Variants in LUC7L2 observed in about 807,000 individuals in gnomAD.
LUC7L2 encodes LUC7 like 2, pre-mRNA splicing factor, also known as putative RNA-binding protein Luc7-like 2.
LUC7L2 carries 25 observed loss-of-function variants against 52.8 expected under a neutral mutation model. The ratio of observed to expected loss-of-function variants is 0.47; its 90% CI spans 0.34 to 0.66. The LOEUF is 0.66. Among genes scored for constraint, LUC7L2 ranks in the 30% least tolerant of loss-of-function variants. The pLI, the probability that LUC7L2 is intolerant of heterozygous loss-of-function variation, is 0.01. For synonymous variants in LUC7L2, 144 were observed against 160.9 expected (o/e 0.89, Z 0.80); for missense variants, 328 against 497.8 (o/e 0.66, Z 3.25).
At chr7:139,371,125 C>G (rs1014405917) in intron 1 of LUC7L2, among the ~76,000 whole-genome samples, 1 of 152,100 alleles carries the variant, frequency 6.6e-6, no homozygotes, top group African/African-American at 2.4e-5. Context: ...GGAGGGCTTC[C>G]CTTCCCCTGC....
At position 139,422,818 on chromosome 7, in the gene LUC7L2, G is replaced by A. The variant is rs180785796; in HGVS notation, c.*478G>A. 11 of 399,190 alleles carry A rather than the reference G, an allele frequency of 2.8e-5. No individual in the cohort carries two copies. The highest frequency in any genetic ancestry group is 2.5e-4 in the East Asian group (7 of 28,058). 24.7% of individuals were successfully genotyped at this position (399,190 alleles called of 1,614,324 possible). ...GCTTCCATTCTAAGGCTGTATTCCC[G>A]TTATGAATTACTAGCTGATTACAGT... is the stretch of plus-strand genomic sequence containing the variant. On this transcript the variant is annotated 3_prime_UTR_variant, in exon 10 of 10. Coordinates refer to ENST00000354926, the MANE Select transcript of LUC7L2 (RefSeq NM_016019.5).
chr7:139,383,049 C>A (rs1452500692), intron 2 of LUC7L2, among the ~76,000 whole-genome samples: 1 of 152,168 alleles, frequency 6.6e-6, no homozygotes, highest in Non-Finnish European at 1.5e-5. Context: ...CCTCACCCTT[C>A]CAAGTAGGTG....
intron 1 of LUC7L2, chr7:139,341,356 G>A (rs757375443): frequency 1.4e-5 from 23 of 1,594,832 alleles, no homozygotes; most frequent in Non-Finnish European, 2.0e-5. Context: ...GGACGCCGTT[G>A]GGCACCACGC....
intron 1 of LUC7L2, chr7:139,340,632 T>A: frequency 2.5e-6 from 1 of 396,760 alleles, no homozygotes; most frequent in Non-Finnish European, 4.4e-6. Flanking sequence ...AAGGCGAAAA[T>A]GAAGTGACGA....
intron 1 of LUC7L2, among the ~76,000 whole-genome samples, chr7:139,352,645 T>G (rs180821033): frequency 6.6e-6 from 1 of 152,372 alleles, no homozygotes; most frequent in African/African-American, 2.4e-5. Flanking sequence ...AAACTTCAGA[T>G]ATTAATACAT....
chr7:139,399,391 G>A (rs569061497), intron 3 of LUC7L2, among the ~76,000 whole-genome samples: 2 of 149,058 alleles, frequency 1.3e-5, no homozygotes, highest in Non-Finnish European at 3.0e-5. Context: ...TATCCGCTGG[G>A]TCTCCTGGAA....
In LUC7L2 at chr7:139,409,565, A is replaced by T; in HGVS notation, c.690A>T (p.Arg230Ser). The T allele has an allele frequency of 6.2e-7, 1 of 1,607,418 alleles. No individual in the cohort carries two copies. The highest frequency in any genetic ancestry group is 1.3e-5 in the African/African-American group (1 of 74,750). ...EIREKLEELK[R>S]VVAEKQEKRN... ...CCTCATTTATTACTGTTTTTAAGAG[A>T]GTCGTAGCTGAGAAGCAGGAGAAAA... Residue 230 changes from arginine (R) to serine (S), a missense_variant and splice_region_variant, in exon 7 of 10, where the codon AGA (arginine) becomes AGT (serine). Physicochemically the swap from Arg to Ser is moderately radical, Grantham distance 110 (BLOSUM62 -1). This residue lies in a region of LUC7L2 where 195 missense variants were observed against 223.3 expected (regional missense o/e 0.87). Transcript: ENST00000354926.
intron 1 of LUC7L2, chr7:139,363,238 A>G (rs1403920849): frequency 1.3e-5 from 13 of 985,336 alleles, no homozygotes; most frequent in Non-Finnish European, 1.6e-5. Context: ...GGCATACTGC[A>G]TAAATGGAAG....
intron 2 of LUC7L2, 25 bp from the exon 3 acceptor site, chr7:139,398,574 A>G (rs202002472): frequency 7.0e-6 from 11 of 1,570,858 alleles, no homozygotes; most frequent in Non-Finnish European, 9.4e-6. Context: ...TTTTGTTTTA[A>G]TATTATGTCT....
Position 139,405,625 on chromosome 7 carries a change from C to T in LUC7L2, c.367-19C>T. ...CATTCTCTTGTTTATTCATGATCTTCTTTTTTATTTCTTTTTAGGCAGAAC... is the reference window on the plus strand; with the variant it reads ...CATTCTCTTGTTTATTCATGATCTTTTTTTTTATTTCTTTTTAGGCAGAAC... On this transcript the variant is annotated intron_variant, in intron 4 of 9. Transcript: ENST00000354926. The T allele has an allele frequency of 1.3e-6, 2 of 1,571,616 alleles. No individual in the cohort carries two copies. Among genetic ancestry groups the T allele is most frequent in the South Asian group, 1.2e-5 (1 of 83,504 alleles).
chr7:139,415,953 A>G (rs959869364), intron 8 of LUC7L2, among the ~76,000 whole-genome samples: 3 of 150,508 alleles, frequency 2.0e-5, no homozygotes, highest in Non-Finnish European at 3.0e-5. Context: ...CATATGTATA[A>G]TATGATTTTG....
chr7:139,363,894 C>G (rs1800003758), intron 1 of LUC7L2, among the ~76,000 whole-genome samples: 1 of 150,586 alleles, frequency 6.6e-6, no homozygotes, highest in Non-Finnish European at 1.5e-5. Flanking sequence ...TCATAAGTCT[C>G]TAGTCTTGAT....
At chr7:139,346,325 C>T (rs957441876) in intron 1 of LUC7L2, 6 of 151,952 alleles carry the variant, frequency 3.9e-5, no homozygotes, top group Non-Finnish European at 7.4e-5. Context: ...CCCTCTTTTC[C>T]TTTGTCCTTT....
intron 2 of LUC7L2, among the ~76,000 whole-genome samples, chr7:139,382,450 T>G (rs1232624117): frequency 6.6e-6 from 1 of 152,152 alleles, no homozygotes; most frequent in Non-Finnish European, 1.5e-5. Context: ...TGGTGCTATC[T>G]TAGCTCACTG....
intron 1 of LUC7L2, among the ~76,000 whole-genome samples, chr7:139,362,186 A>C (rs936482213): frequency 1.3e-5 from 2 of 152,086 alleles, no homozygotes; most frequent in Non-Finnish European, 2.9e-5. Context: ...TTTAGCTGAA[A>C]TGACTGGATT....
At chr7:139,357,937 G>A (rs945312320), upstream of LUC7L2, among the ~76,000 whole-genome samples, 1 of 151,956 alleles carries the variant, frequency 6.6e-6, no homozygotes, top group African/African-American at 2.4e-5. Context: ...TGATTCGCCC[G>A]CCTCGGCCTC....
intron 3 of LUC7L2, among the ~76,000 whole-genome samples, chr7:139,401,753 TC>T (rs1569387943): frequency 6.9e-6 from 1 of 143,980 alleles, no homozygotes; most frequent in South Asian, 2.3e-4. Flanking sequence ...ACGCCCAGCT[TC>T]TTTTTTTTTT....
In LUC7L2 at chr7:139,377,959, A is replaced by G. The variant is rs563725318; in HGVS notation, c.156+1803A>G. ...CAACCTCCCAAGTAGGTGGAGCTAC[A>G]GGCACACACCACCATGCTCGGCTAA... On this transcript the variant is annotated intron_variant, in intron 2 of 9. Coordinates refer to ENST00000354926, the MANE Select transcript of LUC7L2 (RefSeq NM_016019.5). Among the ~76,000 whole-genome samples the G allele has an allele frequency of 6.6e-5, 10 of 151,358 alleles. No individual in the cohort carries two copies. The South Asian group carries it at 1.7e-3, about 25-fold the overall frequency.
At chr7:139,359,683 G>GT (rs1489864845), upstream of LUC7L2, 5 of 397,928 alleles carry the variant, frequency 1.3e-5, no homozygotes, top group Non-Finnish European at 2.2e-5. Context: ...GTAATGTAAG[G>GT]TTTGGCGCCT....
Sources: allele counts gnomAD v4.1 joint callset (sites outside exome capture counted in the v4.1 genomes callset), GRCh38; gene constraint gnomAD v4.1.1; regional missense constraint gnomAD v4.1.1; transcripts MANE v1.5; gene names NCBI Gene and HGNC (gene_info 2026-07-23, HGNC 2026-07-21).